The following SLC6A9 variants were observed in gnomAD, a reference collection of about 807,000 sequenced individuals.
SLC6A9 encodes the protein sodium- and chloride-dependent glycine transporter 1.
Under a neutral mutation model 70.9 loss-of-function variants are expected in SLC6A9, and 31 were observed. That is an observed-to-expected ratio of 0.44 (90% confidence interval 0.33 to 0.59). SLC6A9 has a LOEUF of 0.59. SLC6A9 is among the 20% of genes least tolerant of loss of function. The probability of loss-of-function intolerance (pLI) is 0.04; values close to 1 mark genes in which losing one functional copy is unlikely to be tolerated. For synonymous variants in SLC6A9, 310 were observed against 341.3 expected (o/e 0.91, Z 1.01); for missense variants, 631 against 845.2 (o/e 0.75, Z 3.14).
At chr1:44,028,889 G>T (rs1166998423) in intron 1 of SLC6A9, among the ~76,000 whole-genome samples, 1 of 152,188 alleles carries the variant, frequency 6.6e-6, no homozygotes, top group African/African-American at 2.4e-5. Flanking sequence ...ATAGGGTGAG[G>T]AGAGGTGCAC....
intron 12 of SLC6A9, among the ~76,000 whole-genome samples, 178 bp from the exon 13 acceptor site, chr1:43,998,203 G>A (rs996319156): frequency 3.9e-5 from 6 of 152,274 alleles, no homozygotes; most frequent in East Asian, 3.9e-4. Flanking sequence ...GCCGGGGGCC[G>A]GAGCGCGGTG....
intron 1 of SLC6A9, among the ~76,000 whole-genome samples, chr1:44,026,853 C>T (rs11210941): frequency 7.2e-5 from 11 of 152,190 alleles, no homozygotes; most frequent in Non-Finnish European, 1.3e-4. Context: ...ACATGCCTTC[C>T]TTGTAAGTGC....
At chr1:44,001,648 G>T in intron 8 of SLC6A9, 21 bp from the exon 9 acceptor site, 1 of 1,579,110 alleles carries the variant, frequency 6.3e-7, no homozygotes, top group Non-Finnish European at 8.7e-7. Context: ...GGAAAACAGA[G>T]TTCAGCTTCC....
Position 44,010,763 on chromosome 1 carries a change from G to A in SLC6A9, c.150C>T (p.Val50=). 6.2e-7 allele frequency: 1 copy of A among 1,614,154 alleles called. No homozygotes were observed. Among genetic ancestry groups the A allele is most frequent in the East Asian group, 2.2e-5 (1 of 44,870 alleles). ...GATAGCAGAGGTATGGGAAGCGCCA[G>A]ACATTGCCCAGGCCCACGGCATAGC... ...SVGYAVGLGN[V]WRFPYLCYRN... is the part of the protein sequence containing the mutation. The change falls in exon 3 of 14, where the codon GTC becomes GTT. Residue 50 remains valine (V), a synonymous_variant. Transcript: ENST00000372310.
At chr1:44,015,198 G>A (rs2154306631) in intron 2 of SLC6A9, among the ~76,000 whole-genome samples, 1 of 152,344 alleles carries the variant, frequency 6.6e-6, no homozygotes, top group Non-Finnish European at 1.5e-5. Context: ...CTCCCAGAGC[G>A]AACCGGGCCA....
intron 1 of SLC6A9, among the ~76,000 whole-genome samples, chr1:44,025,629 G>C (rs1438628070): frequency 1.3e-5 from 2 of 151,974 alleles, no homozygotes; most frequent in East Asian, 3.9e-4. Context: ...GTGAAACCCT[G>C]TCTCTACTAA....
intron 12 of SLC6A9, among the ~76,000 whole-genome samples, chr1:43,999,710 G>A (rs1271706096): frequency 2.6e-5 from 4 of 152,154 alleles, no homozygotes; most frequent in South Asian, 2.1e-4. Context: ...AGCCCTCCAC[G>A]GGCCTTTATT....
intron 3 of SLC6A9, 174 bp downstream of exon 3, chr1:44,010,552 T>C: frequency 2.0e-6 from 1 of 505,194 alleles, no homozygotes; most frequent in Non-Finnish European, 3.5e-6. Context: ...TGCCAGGGTC[T>C]GGGGTGGCCT....
rs993445970 is a variant in SLC6A9 at position 44,018,453 on chromosome 1, G to C, written c.30+5795C>G. Among the ~76,000 whole-genome samples the C allele has an allele frequency of 6.6e-6, 1 of 152,016 alleles. No individual in the cohort carries two copies. Among genetic ancestry groups the C allele is most frequent in the Non-Finnish European group, 1.5e-5 (1 of 67,984 alleles). On this transcript the variant is annotated intron_variant, in intron 2 of 13. Transcript: ENST00000372310. The surrounding 1 kb of genome is among the most constrained non-coding windows in gnomAD (Gnocchi z 4.2). ...CTACTAAAAATACAAAATTAGCTGG[G>C]CGTGGTGGCACATGCCTGTAATCCC... is the stretch of plus-strand genomic sequence containing the variant.
chr1:44,009,594 C>T (rs1258363092), intron 4 of SLC6A9, among the ~76,000 whole-genome samples: 1 of 152,214 alleles, frequency 6.6e-6, no homozygotes, highest in Non-Finnish European at 1.5e-5. Flanking sequence ...CTGCCTTGGC[C>T]TCCCAAAGTG....
In SLC6A9 at chr1:44,018,717, C is replaced by T. The variant is rs961165930; in HGVS notation, c.30+5531G>A. ...CTTTGGGAAGCCAAGGCAGGAGGGT[C>T]GCTTGAGGTCAGGAGTTCATGACCA... On this transcript the variant is annotated intron_variant, in intron 2 of 13. Transcript: ENST00000372310. This position sits in a 1 kb window ranked among gnomAD's most constrained non-coding sequence, Gnocchi z 4.2. Among the ~76,000 whole-genome samples, 4 of 151,726 alleles carry T rather than the reference C, an allele frequency of 2.6e-5. No individual in the cohort carries two copies. Among genetic ancestry groups the T allele is most frequent in the African/African-American group, 9.7e-5 (4 of 41,274 alleles).
At chr1:44,028,271 C>T (rs768845525) in intron 1 of SLC6A9, among the ~76,000 whole-genome samples, 2 of 152,110 alleles carry the variant, frequency 1.3e-5, no homozygotes, top group Non-Finnish European at 2.9e-5. Flanking sequence ...GAGGCCTGGC[C>T]AGGGCCTTTG....
At chr1:44,030,117 C>T (rs2087070153) in intron 1 of SLC6A9, among the ~76,000 whole-genome samples, 1 of 152,182 alleles carries the variant, frequency 6.6e-6, no homozygotes. Context: ...TAAGTATCCG[C>T]CGGCCCGAGG....
chr1:44,024,372 G>C lies in SLC6A9; in HGVS notation c.-85-10C>G. The C allele has an allele frequency of 1.3e-6, 2 of 1,494,424 alleles. No individual in the cohort carries two copies. The highest frequency in any genetic ancestry group is 1.9e-6 in the Non-Finnish European group (2 of 1,071,552). The allele number at this position is 1,494,424 out of a possible 1,614,324, so 92.6% of individuals were successfully genotyped here. On this transcript the variant is annotated splice_polypyrimidine_tract_variant and intron_variant, in intron 1 of 13. Transcript: ENST00000372310. ...CCACAGATCTCAAGAGCTGTGGAGA[G>C]AGCAGAGGGTGAGGTGAGGACTTGG...
rs148755700 is a variant in SLC6A9 at position 44,008,442 on chromosome 1, A to G, written c.501T>C (p.Asn167=). Residue 167 remains asparagine, a synonymous_variant, in exon 5 of 14, where the codon AAT becomes AAC. Transcript: ENST00000372310. ...TGGGCAAGGCGGCTGGCCGAGAGCCATTGGTGAGGTTGGAGGCGTCCAGTA... is the reference window on the plus strand; with the variant it reads ...TGGGCAAGGCGGCTGGCCGAGAGCCGTTGGTGAGGTTGGAGGCGTCCAGTA... ...AGVLDASNLT[N]GSRPAALPSN... 134 of 1,614,156 alleles carry G rather than the reference A, an allele frequency of 8.3e-5. No homozygotes were observed. The African/African-American group carries it at 1.7e-3, about 20-fold the overall frequency.
At position 44,017,303 on chromosome 1, in the gene SLC6A9, G is replaced by A. The variant is rs1029338075; in HGVS notation, c.31-6421C>T. ...CCATGCAGCCCAGCACGGGTGCTCCGGAGCTGGAGTGGGGTGTGTGGGGTT... is the reference window on the plus strand; with the variant it reads ...CCATGCAGCCCAGCACGGGTGCTCCAGAGCTGGAGTGGGGTGTGTGGGGTT... On this transcript the variant is annotated intron_variant, in intron 2 of 13. Transcript: ENST00000372310. The A allele has an allele frequency of 3.1e-5, 44 of 1,441,558 alleles. 1 individual carries two copies. The highest frequency in any genetic ancestry group is 3.7e-5 in the Non-Finnish European group (41 of 1,106,158). The allele number at this position is 1,441,558 out of a possible 1,614,324, so 89.3% of individuals were successfully genotyped here. A position where few individuals can be genotyped will look rare whatever the true frequency, so the allele number is the denominator to read the frequency against.
chr1:44,021,432 C>T (rs2086882230), intron 2 of SLC6A9, among the ~76,000 whole-genome samples: 1 of 152,202 alleles, frequency 6.6e-6, no homozygotes, highest in Admixed American at 6.5e-5. Context: ...GCTTGTTACC[C>T]ATGGGGCACT....
chr1:44,007,887 T>G (rs746983223), intron 5 of SLC6A9, among the ~76,000 whole-genome samples: 26 of 118,536 alleles, frequency 2.2e-4, no homozygotes, highest in East Asian at 1.9e-3. Context: ...TCCATTGCTT[T>G]CTTTCTTTTT....
chr1:44,019,894 T>C (rs573589060), intron 2 of SLC6A9, among the ~76,000 whole-genome samples: 1 of 133,350 alleles, frequency 7.5e-6, no homozygotes, highest in South Asian at 2.4e-4. Flanking sequence ...GGGGGAGGGC[T>C]GCAGGGAGGC....
Sources: allele counts gnomAD v4.1 joint callset (sites outside exome capture counted in the v4.1 genomes callset), GRCh38; gene constraint gnomAD v4.1.1; non-coding constraint Gnocchi (gnomAD v3.1); transcripts MANE v1.5; gene names NCBI Gene and HGNC (gene_info 2026-07-23, HGNC 2026-07-21).